CCDC7: variants seen among roughly 807,000 people sequenced by gnomAD.
CCDC7 encodes coiled-coil domain-containing protein 7.
In CCDC7, 183 loss-of-function variants were observed where a neutral mutation model predicts 196.9. That is an observed-to-expected ratio of 0.93 (90% confidence interval 0.82 to 1.05). The LOEUF is 1.05. Ranked by LOEUF, CCDC7 falls within the 50% of genes least tolerant of loss-of-function variation. CCDC7 has a pLI of 0.00. For synonymous variants in CCDC7, 525 were observed against 484.6 expected, an observed-to-expected ratio of 1.08 and a Z score of -1.10; for missense variants, 1,540 against 1,482.2, an observed-to-expected ratio of 1.04 and a Z score of -0.64.
intron 33 of CCDC7, among the ~76,000 whole-genome samples, chr10:32,841,434 A>C (rs2092964132): frequency 6.6e-6 from 1 of 152,056 alleles, no homozygotes; most frequent in Non-Finnish European, 1.5e-5. Context: ...AAACAAAAAA[A>C]GGTAGGAATA....
At chr10:32,593,222 C>G (rs1405599341) in intron 18 of CCDC7, among the ~76,000 whole-genome samples, 2 of 152,164 alleles carry the variant, frequency 1.3e-5, no homozygotes, top group Non-Finnish European at 1.5e-5. Context: ...TGTTTCCTGA[C>G]TTTTTAATGA....
chr10:32,722,324 G>T (rs2082530567), intron 25 of CCDC7, among the ~76,000 whole-genome samples: 2 of 152,018 alleles, frequency 1.3e-5, no homozygotes, highest in South Asian at 2.1e-4. Context: ...AGGTTTTAGT[G>T]GTCCAGTGGG....
At chr10:32,661,871 G>C (rs1389309377) in intron 20 of CCDC7, among the ~76,000 whole-genome samples, 2 of 152,148 alleles carry the variant, frequency 1.3e-5, no homozygotes, top group African/African-American at 4.8e-5. Context: ...TCCTTTAGCT[G>C]TCCTGGCTGG....
intron 20 of CCDC7, among the ~76,000 whole-genome samples, chr10:32,662,208 C>G (rs1042918344): frequency 2.6e-5 from 4 of 152,112 alleles, no homozygotes; most frequent in African/African-American, 7.2e-5. Flanking sequence ...CTCTCTGCAC[C>G]AGGCGGACAC....
intron 18 of CCDC7, among the ~76,000 whole-genome samples, chr10:32,619,675 T>C (rs1481126438): frequency 3.9e-5 from 6 of 152,040 alleles, no homozygotes; most frequent in Non-Finnish European, 7.4e-5. Flanking sequence ...AACCTTGAAA[T>C]TGATCCTGAG....
chr10:32,863,658 G>A (rs563324840), intron 41 of CCDC7, among the ~76,000 whole-genome samples: 1 of 151,900 alleles, frequency 6.6e-6, no homozygotes, highest in Non-Finnish European at 1.5e-5. Flanking sequence ...GGAAAGAATA[G>A]TCTCTTCAAT....
At chr10:32,566,140 T>C (rs1249746959) in intron 14 of CCDC7, among the ~76,000 whole-genome samples, 1 of 152,174 alleles carries the variant, frequency 6.6e-6, no homozygotes, top group Non-Finnish European at 1.5e-5. Flanking sequence ...GGTAAAAATG[T>C]AAAGGACAGA....
chr10:32,555,098 A>T (rs1000243856), intron 13 of CCDC7, among the ~76,000 whole-genome samples: 3 of 152,112 alleles, frequency 2.0e-5, no homozygotes, highest in Admixed American at 6.5e-5. Flanking sequence ...TTGTCTGTTG[A>T]TGGACACTTA....
chr10:32,475,274 T>C (rs985695826), intron 8 of CCDC7, among the ~76,000 whole-genome samples: 2 of 152,218 alleles, frequency 1.3e-5, no homozygotes, highest in Admixed American at 6.5e-5. Context: ...GGACTGGCAA[T>C]TCTAGACAGC....
intron 20 of CCDC7, among the ~76,000 whole-genome samples, chr10:32,645,271 A>G (rs2067556593): frequency 6.6e-6 from 1 of 152,202 alleles, no homozygotes; most frequent in Non-Finnish European, 1.5e-5. Context: ...TGTAAACACT[A>G]TGGAAATCAG....
chr10:32,863,914 G>T (rs183295700), intron 41 of CCDC7, among the ~76,000 whole-genome samples: 35 of 134,142 alleles, frequency 2.6e-4, no homozygotes, highest in African/African-American at 8.5e-4. Flanking sequence ...AATAAATAAG[G>T]CTGTGTCAAG....
At chr10:32,505,359 G>GTT (rs2044740600) in intron 9 of CCDC7, among the ~76,000 whole-genome samples, 1 of 152,008 alleles carries the variant, frequency 6.6e-6, no homozygotes, top group Non-Finnish European at 1.5e-5. Context: ...CTGGGTACTT[G>GTT]AGATTAGGGA....
chr10:32,725,816 G>C (rs2083041020), intron 25 of CCDC7, among the ~76,000 whole-genome samples: 1 of 151,966 alleles, frequency 6.6e-6, no homozygotes, highest in Non-Finnish European at 1.5e-5. Context: ...TGAAGGATCT[G>C]CCCCCATGAC....
At chr10:32,791,248 C>T (rs78070859) in intron 29 of CCDC7, among the ~76,000 whole-genome samples, 80 of 139,562 alleles carry the variant, frequency 5.7e-4, no homozygotes, top group African/African-American at 1.7e-3. Flanking sequence ...GAGTCTTTTT[C>T]AAAAAAAAAA....
At chr10:32,625,383 A>T (rs1437058624) in intron 18 of CCDC7, among the ~76,000 whole-genome samples, 5 of 151,264 alleles carry the variant, frequency 3.3e-5, no homozygotes, top group African/African-American at 9.7e-5. Flanking sequence ...TATTATTATT[A>T]TTTTTATTTT....
At chr10:32,459,834 A>G (rs2035246358) in intron 3 of CCDC7, among the ~76,000 whole-genome samples, 6 of 152,034 alleles carry the variant, frequency 3.9e-5, no homozygotes, top group Non-Finnish European at 1.5e-5. Context: ...ACAGATATCA[A>G]GATTCATTAT....
intron 11 of CCDC7, among the ~76,000 whole-genome samples, chr10:32,540,503 G>C (rs2051233247): frequency 6.6e-6 from 1 of 151,986 alleles, no homozygotes; most frequent in Non-Finnish European, 1.5e-5. Flanking sequence ...TTTTAATTTG[G>C]GCATTTAGCC....
chr10:32,546,315 C>G (rs1021201376), intron 13 of CCDC7, among the ~76,000 whole-genome samples: 5 of 152,184 alleles, frequency 3.3e-5, no homozygotes, highest in African/African-American at 9.7e-5. Flanking sequence ...ATTGCATACC[C>G]TGTAAACTTC....
intron 25 of CCDC7, among the ~76,000 whole-genome samples, chr10:32,715,412 C>T (rs1167342602): frequency 6.6e-6 from 1 of 152,120 alleles, no homozygotes; most frequent in Non-Finnish European, 1.5e-5. Flanking sequence ...ACATCAAAGA[C>T]CAAAGGTAGA....
Sources: gnomAD v4.1 joint callset for allele counts (sites outside exome capture counted in the v4.1 genomes callset) on GRCh38, gnomAD v4.1.1 for gene constraint, MANE v1.5 for transcripts, NCBI Gene and HGNC (gene_info 2026-07-23, HGNC 2026-07-21) for gene names.